The following SKI variants were observed in gnomAD, a reference collection of about 807,000 sequenced individuals.
SKI encodes the protein SKI proto-oncogene.
In SKI, 23 loss-of-function variants were observed where a neutral mutation model predicts 59.3. The ratio of observed to expected loss-of-function variants is 0.39; its 90% CI spans 0.28 to 0.55. SKI has a LOEUF of 0.55. Among genes scored for constraint, SKI ranks in the 20% least tolerant of loss-of-function variants. SKI has a pLI of 0.67. For missense variants in SKI, 1,017 were observed against 1,038.9 expected (o/e 0.98, Z 0.29); for synonymous variants, 673 against 488.6 (o/e 1.38, Z -4.98).
chr1:2,277,692 A>G (rs887396074), intron 1 of SKI, among the ~76,000 whole-genome samples: 1 of 141,592 alleles, frequency 7.1e-6, no homozygotes. Context: ...ATCAGGACCC[A>G]TGGGCACACG....
rs72642131 is a variant in SKI, at chr1:2,278,649, C to G, written c.970-24329C>G. Among the ~76,000 whole-genome samples, 388 of 151,712 alleles carry G rather than the reference C, an allele frequency of 2.6e-3. 2 individuals are homozygous for G. The highest frequency in any genetic ancestry group is 3.4e-3 in the Non-Finnish European group (228 of 67,866). ...CCATGGTGAGAAGGGTGGGGTCTCT[C>G]TGGGGCCTTTTTTTTTTTAGGAAGT... On this transcript the variant is annotated intron_variant, in intron 1 of 6. Transcript: ENST00000378536.
At position 2,270,601 on chromosome 1, in the gene SKI, G is replaced by A. The variant is rs1374811504; in HGVS notation, c.970-32377G>A. ...CGGCTGAGGAGGCCGCACTCCCCGT[G>A]CCTCCCGGGCAGACACCTCACGGCC... On this transcript the variant is annotated intron_variant, in intron 1 of 6. Coordinates refer to ENST00000378536, the MANE Select transcript of SKI (RefSeq NM_003036.4). The surrounding 1 kb of genome is among the most constrained non-coding windows in gnomAD (Gnocchi z 4.1). 2.0e-5 allele frequency among the ~76,000 whole-genome samples: 3 copies of A among 152,194 alleles called. No homozygotes were observed. The highest frequency in any genetic ancestry group is 3.9e-4 in the East Asian group (2 of 5,178).
chr1:2,276,052 T>C (rs772621742), intron 1 of SKI, among the ~76,000 whole-genome samples: 1 of 152,240 alleles, frequency 6.6e-6, no homozygotes, highest in Admixed American at 6.5e-5. Context: ...TCTTTCAAGC[T>C]GTTCTTTTCT....
At chr1:2,279,204 C>T (rs1009926903) in intron 1 of SKI, among the ~76,000 whole-genome samples, 32 of 152,184 alleles carry the variant, frequency 2.1e-4, no homozygotes, top group African/African-American at 4.8e-4. Context: ...GATCTCTGAG[C>T]GGGACTGCCT....
intron 1 of SKI, among the ~76,000 whole-genome samples, chr1:2,250,384 G>T (rs1400049074): frequency 6.6e-6 from 1 of 152,202 alleles, no homozygotes; most frequent in Non-Finnish European, 1.5e-5. Flanking sequence ...TGCTGCCCAG[G>T]TATGCCACTG....
chr1:2,259,762 C>G (rs1334634304), intron 1 of SKI, among the ~76,000 whole-genome samples: 2 of 152,216 alleles, frequency 1.3e-5, no homozygotes, highest in Non-Finnish European at 1.5e-5. Context: ...TCGTTGCCTT[C>G]CTTAGAGCTT....
rs1432617908 is a variant in SKI, at chr1:2,303,614, C to T, written c.1211+214C>T. On this transcript the variant is annotated intron_variant, in intron 3 of 6. Transcript: ENST00000378536. This position sits in a 1 kb window ranked among gnomAD's most constrained non-coding sequence, Gnocchi z 5.6. ...GGTGGAGTCGTGGGTGGAGCCCTGT[C>T]TGCTGGGCGCAGCTTCTTGATGTGT... 3 of 702,212 alleles carry T rather than the reference C, an allele frequency of 4.3e-6. No homozygotes were observed. The highest frequency in any genetic ancestry group is 7.1e-6 in the Non-Finnish European group (3 of 422,406). 43.5% of individuals were successfully genotyped at this position (702,212 alleles called of 1,614,324 possible).
chr1:2,295,413 G>T (rs761799646), intron 1 of SKI, among the ~76,000 whole-genome samples: 1 of 152,198 alleles, frequency 6.6e-6, no homozygotes, highest in Non-Finnish European at 1.5e-5. Flanking sequence ...TATAATTTGC[G>T]TACCATAAAA....
intron 1 of SKI, among the ~76,000 whole-genome samples, chr1:2,272,288 GGT>G (rs1639641261): frequency 6.6e-6 from 1 of 152,236 alleles, no homozygotes; most frequent in Non-Finnish European, 1.5e-5. Context: ...GCTTAAAAAT[GGT>G]GTTAAAAATT....
rs369679956 is a variant in SKI, at chr1:2,248,847, G to A, written c.969+19112G>A. On this transcript the variant is annotated intron_variant, in intron 1 of 6. Transcript: ENST00000378536. ...GCTTAGGGTTTAGGAGCATGGCTGG[G>A]CTACCTTCCTACTCTGAGTGTGGGC... is the stretch of plus-strand genomic sequence containing the variant. Among the ~76,000 whole-genome samples the A allele has an allele frequency of 2.0e-5, 3 of 152,344 alleles. No individual in the cohort carries two copies. In the East Asian group the frequency reaches 5.8e-4, roughly 29 times the overall value.
In SKI at chr1:2,229,213, C is replaced by T. The variant is rs546957439; in HGVS notation, c.447C>T (p.Tyr149=). Residue 149 remains tyrosine (Y), a synonymous_variant, in exon 1 of 7, where the codon TAC becomes TAT. Coordinates refer to ENST00000378536, the MANE Select transcript of SKI (RefSeq NM_003036.4). This position sits in a 1 kb window ranked among gnomAD's most constrained non-coding sequence, Gnocchi z 6.3. ...CGGTGTGCGACGAGCTCCACATCTA[C>T]TGCTCGCGCTGCACGGCCGACCAGC... ...INAVCDELHI[Y]CSRCTADQLE... 3 of 1,609,240 alleles carry T rather than the reference C, an allele frequency of 1.9e-6. No homozygotes were observed. Among genetic ancestry groups the T allele is most frequent in the East Asian group, 2.2e-5 (1 of 44,694 alleles).
chr1:2,278,301 G>A (rs771129625), intron 1 of SKI, among the ~76,000 whole-genome samples: 3 of 152,248 alleles, frequency 2.0e-5, no homozygotes, highest in Non-Finnish European at 4.4e-5. Flanking sequence ...AGCCAGCTCT[G>A]GCTTGGCTGG....
At chr1:2,305,092 G>A (rs571566306) in intron 5 of SKI, among the ~76,000 whole-genome samples, 20 of 152,208 alleles carry the variant, frequency 1.3e-4, no homozygotes, top group Non-Finnish European at 2.8e-4. Context: ...GGCGGCTCCC[G>A]CCAGGCCTCC....
intron 1 of SKI, among the ~76,000 whole-genome samples, chr1:2,245,123 G>A (rs1044151250): frequency 3.4e-5 from 5 of 145,840 alleles, no homozygotes; most frequent in Admixed American, 6.8e-5. Context: ...ACACCCACCC[G>A]CCGCTTTCTG....
chr1:2,303,240 T>C lies in SKI; in HGVS notation c.1096-45T>C. Reference sequence around the variant, plus strand: ...CGCAGCCTCAGGGACATGAAGTGGCTTGTTTTTCTCCTGGTCACTCACACA... The same window carrying C: ...CGCAGCCTCAGGGACATGAAGTGGCCTGTTTTTCTCCTGGTCACTCACACA... On this transcript the variant is annotated intron_variant, in intron 2 of 6. Coordinates refer to ENST00000378536, the MANE Select transcript of SKI (RefSeq NM_003036.4). The surrounding 1 kb of genome is among the most constrained non-coding windows in gnomAD (Gnocchi z 5.6). The C allele has an allele frequency of 6.2e-7, 1 of 1,606,382 alleles. No homozygotes were observed. Among genetic ancestry groups the C allele is most frequent in the Non-Finnish European group, 8.5e-7 (1 of 1,174,578 alleles).
At chr1:2,271,513 G>C (rs1639618688) in intron 1 of SKI, among the ~76,000 whole-genome samples, 1 of 152,176 alleles carries the variant, frequency 6.6e-6, no homozygotes, top group Non-Finnish European at 1.5e-5. Flanking sequence ...TCAGATGCTG[G>C]CAGGTTCCGC....
chr1:2,228,657 G>T lies in SKI; in HGVS notation c.-110G>T. Reference sequence around the variant, plus strand: ...ATCGGCCGTGAGCCGGCGGCGGGGGGCGGCCGGGGTCGGGGCCGCGGGCGC... The same window carrying T: ...ATCGGCCGTGAGCCGGCGGCGGGGGTCGGCCGGGGTCGGGGCCGCGGGCGC... On this transcript the variant is annotated 5_prime_UTR_variant, in exon 1 of 7. Transcript: ENST00000378536. The T allele has an allele frequency of 2.2e-6, 1 of 460,656 alleles. No homozygotes were observed. Among genetic ancestry groups the T allele is most frequent in the Middle Eastern group, 1.2e-3 (1 of 852 alleles). 28.5% of individuals were successfully genotyped at this position (460,656 alleles called of 1,614,324 possible). A position where few individuals can be genotyped will look rare whatever the true frequency, so the allele number is the denominator to read the frequency against.
In SKI at chr1:2,306,269, T is replaced by A. The variant is rs1247295036; in HGVS notation, c.1998+19T>A. On this transcript the variant is annotated intron_variant, in intron 6 of 6. Transcript: ENST00000378536. ...GGCCCAGGTATGCGGGTGGGGAGAC[T>A]GAGGCACGCAGCACGGTGGGCGTGG... 2 of 1,536,790 alleles carry A rather than the reference T, an allele frequency of 1.3e-6. No individual in the cohort carries two copies. The highest frequency in any genetic ancestry group is 1.8e-6 in the Non-Finnish European group (2 of 1,138,730).
chr1:2,238,942 G>A (rs1242258675), intron 1 of SKI, among the ~76,000 whole-genome samples: 1 of 152,176 alleles, frequency 6.6e-6, no homozygotes, highest in African/African-American at 2.4e-5. Flanking sequence ...TTCCCTGGAC[G>A]CCCGTGTGGA....
Sources: allele counts gnomAD v4.1 joint callset (sites outside exome capture counted in the v4.1 genomes callset), GRCh38; gene constraint gnomAD v4.1.1; non-coding constraint Gnocchi (gnomAD v3.1); transcripts MANE v1.5; gene names NCBI Gene and HGNC (gene_info 2026-07-23, HGNC 2026-07-21).